The following APEH variants were observed in gnomAD, a reference collection of about 807,000 sequenced individuals.
The protein encoded by APEH is acylaminoacyl-peptide hydrolase.
A neutral mutation model predicts 102.7 loss-of-function variants in APEH; 75 were observed. That is an observed-to-expected ratio of 0.73 (90% CI 0.61 to 0.89). The LOEUF (loss-of-function observed/expected upper bound fraction) is 0.89, where lower values mean the gene tolerates loss of function less well. Ranked by LOEUF, APEH falls within the 40% of genes least tolerant of loss-of-function variation. The pLI, the probability that APEH is intolerant of heterozygous loss-of-function variation, is 0.00. For missense variants in APEH, 863 were observed against 941.2 expected, an observed-to-expected ratio of 0.92 and a Z score of 1.09; for synonymous variants, 344 against 362.7, an observed-to-expected ratio of 0.95 and a Z score of 0.59.
In APEH at chr3:49,683,239, T is replaced by C. The variant is rs2108132637; in HGVS notation, c.2096T>C (p.Leu699Pro). Residue 699 changes from leucine (L) to proline (P), a missense_variant and splice_region_variant, in exon 22 of 22, where the codon CTC becomes CCC. By Grantham distance (98) the Leu-to-Pro change is moderately conservative. Coordinates refer to ENST00000296456, the MANE Select transcript of APEH (RefSeq NM_001640.4). ...ALKTRNVPVR[L>P]LLYPKSTHAL... ...ATGTTGCTGACTAATCCCTACAGGC[T>C]CCTGCTCTATCCCAAAAGCACCCAC... The C allele has an allele frequency of 6.2e-7, 1 of 1,613,516 alleles. No homozygotes were observed. Among genetic ancestry groups the C allele is most frequent in the Non-Finnish European group, 8.5e-7 (1 of 1,179,486 alleles).
intron 19 of APEH, 22 bp from the exon 20 acceptor site, chr3:49,682,821 G>T: frequency 6.2e-7 from 1 of 1,613,838 alleles, no homozygotes; most frequent in Non-Finnish European, 8.5e-7. Flanking sequence ...TCCTGGGGCT[G>T]CAACAGCTCG....
chr3:49,677,553 A>C lies in APEH; in HGVS notation c.1000-20A>C. On this transcript the variant is annotated intron_variant, in intron 10 of 21. Coordinates refer to ENST00000296456, the MANE Select transcript of APEH (RefSeq NM_001640.4). ...AACTGCCTGTCCCCTACTGGACCTG[A>C]CCATTGTGTTCTCTTGCAGTATGAC... 1 of 1,609,990 alleles carries C rather than the reference A, an allele frequency of 6.2e-7. No homozygotes were observed. Among genetic ancestry groups the C allele is most frequent in the Non-Finnish European group, 8.5e-7 (1 of 1,176,338 alleles).
Position 49,676,411 on chromosome 3 carries a change from G to T in APEH, c.640G>T (p.Glu214Ter). ...GTTTGTGTTTTATGAAGACTGGGGAGAAAACATGGTTTCCAAAAGCATCCC... is the reference window on the plus strand; with the variant it reads ...GTTTGTGTTTTATGAAGACTGGGGATAAAACATGGTTTCCAAAAGCATCCC... ...DQFVFYEDWG[E>*]NMVSKSIPVL... The change falls in exon 7 of 22, where the codon GAA becomes TAA. Residue 214 changes from glutamate to a stop codon, truncating the protein, a stop_gained. Transcript: ENST00000296456. LOFTEE classifies it high-confidence loss of function. 6.2e-7 allele frequency: 1 copy of T among 1,614,236 alleles called. No individual in the cohort carries two copies. The highest frequency in any genetic ancestry group is 1.1e-5 in the South Asian group (1 of 91,090).
In APEH at chr3:49,676,985, A is replaced by G. The variant is rs752009887; in HGVS notation, c.960A>G (p.Pro320=). The part of the protein sequence containing the change: ...DQCRIVYLQY[P]SLIPHHQCSQ... ...GTCGCATTGTCTACCTGCAGTACCC[A>G]TCTCTGATCCCCCATCACCAATGCA... The change falls in exon 10 of 22, where the codon CCA becomes CCG. Residue 320 remains proline, a synonymous_variant. Coordinates refer to ENST00000296456, the MANE Select transcript of APEH (RefSeq NM_001640.4). 3.1e-6 allele frequency: 5 copies of G among 1,614,048 alleles called. No individual in the cohort carries two copies. The highest frequency in any genetic ancestry group is 4.2e-6 in the Non-Finnish European group (5 of 1,180,018).
At chr3:49,675,577 TC>T in intron 3 of APEH, 116 bp from the exon 4 acceptor site, 1 of 1,123,794 alleles carries the variant, frequency 8.9e-7, no homozygotes, top group Non-Finnish European at 1.3e-6. Context: ...CTAGAGGTGC[TC>T]CAGAAGCTGG....
chr3:49,675,157 G>T, intron 2 of APEH, 26 bp from the exon 3 acceptor site: 2 of 1,613,334 alleles, frequency 1.2e-6, no homozygotes, highest in South Asian at 2.2e-5. Flanking sequence ...AAGACAAGGT[G>T]AGCAGTCTCA....
chr3:49,682,502 C>T, intron 18 of APEH, 44 bp from the exon 19 acceptor site: 1 of 1,613,058 alleles, frequency 6.2e-7, no homozygotes, highest in Non-Finnish European at 8.5e-7. Context: ...CTCCATTCAG[C>T]TGAGCGGGCA....
Position 49,683,445 on chromosome 3 carries a change from C to G in APEH, c.*103C>G, listed in dbSNP as rs2053449083. On this transcript the variant is annotated 3_prime_UTR_variant, in exon 22 of 22. Coordinates refer to ENST00000296456, the MANE Select transcript of APEH (RefSeq NM_001640.4). ...CAGGAGGCTTTCTGGGCTCTGGACT[C>G]CACGGATGCGTGGGCAGAGGAATGT... 4 of 976,796 alleles carry G rather than the reference C, an allele frequency of 4.1e-6. No homozygotes were observed. The highest frequency in any genetic ancestry group is 6.5e-6 in the Non-Finnish European group (4 of 612,680). The allele number at this position is 976,796 out of a possible 1,614,324, so 60.5% of individuals were successfully genotyped here. A position where few individuals can be genotyped will look rare whatever the true frequency, so the allele number is the denominator to read the frequency against.
chr3:49,675,331 T>A, intron 3 of APEH, 22 bp downstream of exon 3: 1 of 1,612,832 alleles, frequency 6.2e-7, no homozygotes, highest in Non-Finnish European at 8.5e-7. Context: ...GGAGGAAGCT[T>A]GTGGGCAAGG....
rs892286980 is a variant in APEH at position 49,683,400 on chromosome 3, T to C, written c.*58T>C. The C allele has an allele frequency of 1.0e-5, 15 of 1,482,030 alleles. No homozygotes were observed. The African/African-American group carries it at 2.1e-4, about 21-fold the overall frequency. The allele number at this position is 1,482,030 out of a possible 1,614,324, so 91.8% of individuals were successfully genotyped here. On this transcript the variant is annotated 3_prime_UTR_variant, in exon 22 of 22. Coordinates refer to ENST00000296456, the MANE Select transcript of APEH (RefSeq NM_001640.4). ...GTGCCACACTTCGCTCTTGAGGAGC[T>C]CAACGGTCTGGCAGGGCAGCAGGAG...
rs755777618 is a variant in APEH at position 49,682,719 on chromosome 3, C to G, written c.1866C>G (p.Ser622=). Residue 622 remains serine, a synonymous_variant, in exon 19 of 22, where the codon TCC becomes TCG. Coordinates refer to ENST00000296456, the MANE Select transcript of APEH (RefSeq NM_001640.4). ...TCAACATCGCCTCCATGTTGGGCTC[C>G]ACTGACATCCCTGACTGGTAGGCAT... The part of the protein sequence containing the change: ...PVINIASMLG[S]TDIPDWCVVE... The G allele has an allele frequency of 1.2e-6, 2 of 1,613,834 alleles. No homozygotes were observed. Among genetic ancestry groups the G allele is most frequent in the Non-Finnish European group, 1.7e-6 (2 of 1,179,994 alleles).
intron 2 of APEH, 29 bp downstream of exon 2, chr3:49,674,650 G>A: frequency 6.3e-7 from 1 of 1,583,014 alleles, no homozygotes; most frequent in East Asian, 2.3e-5. Flanking sequence ...ACTGGCTGGC[G>A]ACGGGGTCGC....
Position 49,675,262 on chromosome 3 carries a change from A to T in APEH, c.225A>T (p.Ser75=). The T allele has an allele frequency of 6.2e-7, 1 of 1,614,016 alleles. No individual in the cohort carries two copies. The highest frequency in any genetic ancestry group is 8.5e-7 in the Non-Finnish European group (1 of 1,179,976). The change falls in exon 3 of 22, where the codon TCA becomes TCT. Residue 75 remains serine, a synonymous_variant. Coordinates refer to ENST00000296456, the MANE Select transcript of APEH (RefSeq NM_001640.4). ...RQYLVFHDGD[S]VVFAGPAGNS... ...ACCTGGTGTTCCATGACGGGGACTC[A>T]GTGGTGTTTGCAGGACCTGCAGGCA... is the stretch of plus-strand genomic sequence containing the variant.
chr3:49,673,214 G>T (rs1270834194), upstream of APEH, among the ~76,000 whole-genome samples: 1 of 149,584 alleles, frequency 6.7e-6, no homozygotes, highest in Non-Finnish European at 1.5e-5. Flanking sequence ...ACGCCATGGA[G>T]CAGGGAGCCA....
chr3:49,683,132 G>GC lies in APEH; in HGVS notation c.2079_2080insC (p.Asn694GlnfsTer47). 1 of 1,614,120 alleles carries GC rather than the reference G, an allele frequency of 6.2e-7. No individual in the cohort carries two copies. Among genetic ancestry groups the GC allele is most frequent in the Non-Finnish European group, 8.5e-7 (1 of 1,180,030 alleles). On this transcript the variant is annotated frameshift_variant, in exon 21 of 22. Coordinates refer to ENST00000296456, the MANE Select transcript of APEH (RefSeq NM_001640.4). LOFTEE classifies it high-confidence loss of function. Reference sequence around the variant, plus strand: ...AGTATTACCGTGCCCTCAAGACCCGGAATGTGCCTGTTCGGTGAGTGCAGC... The same window carrying GC: ...AGTATTACCGTGCCCTCAAGACCCGGCAATGTGCCTGTTCGGTGAGTGCAGC...
In APEH at chr3:49,675,303, G is replaced by C. The variant is rs746217177; in HGVS notation, c.266G>C (p.Arg89Pro). 52 of 1,613,176 alleles carry C rather than the reference G, an allele frequency of 3.2e-5. No homozygotes were observed. Among genetic ancestry groups the C allele is most frequent in the South Asian group, 3.3e-5 (3 of 90,984 alleles). ...CCTGCAGGCAACAGTGTGGAGACCC[G>C]GGGGGAGTAAGTTTGAGGGAGGAAG... is the stretch of plus-strand genomic sequence containing the variant. ...AGPAGNSVET[R>P]GELLSRESPS... The change falls in exon 3 of 22, where the codon CGG becomes CCG. Residue 89 changes from arginine to proline, a missense_variant. By Grantham distance (103) the Arg-to-Pro change is moderately radical (BLOSUM62 -2). Coordinates refer to ENST00000296456, the MANE Select transcript of APEH (RefSeq NM_001640.4).
Position 49,676,631 on chromosome 3 carries a change from C to G in APEH, c.767C>G (p.Ala256Gly). ...CAGGCATTTTGGGCCCCTGGAGATG[C>G]TGGTGTGGTGTTTGTGGGCTGGTGG... Reference protein sequence around the residue: ...PGQAFWAPGDAGVVFVGWWHE... With the variant: ...PGQAFWAPGDGGVVFVGWWHE... Residue 256 changes from alanine (A) to glycine (G), a missense_variant, in exon 8 of 22, where the codon GCT becomes GGT. Physicochemically the swap from Ala to Gly is moderately conservative, Grantham distance 60. Coordinates refer to ENST00000296456, the MANE Select transcript of APEH (RefSeq NM_001640.4). 1.9e-6 allele frequency: 3 copies of G among 1,614,266 alleles called. No individual in the cohort carries two copies. Among genetic ancestry groups the G allele is most frequent in the South Asian group, 1.1e-5 (1 of 91,090 alleles).
chr3:49,676,914 G>A lies in APEH; in HGVS notation c.889G>A (p.Asp297Asn), dbSNP rs2053086319. 1 of 1,614,234 alleles carries A rather than the reference G, an allele frequency of 6.2e-7. No homozygotes were observed. Among genetic ancestry groups the A allele is most frequent in the African/African-American group, 1.3e-5 (1 of 75,066 alleles). ...LIGGKCELLS[D>N]DSLAVSSPRL... ...TCCATCTGGCCCAGAGCTCCTCTCG[G>A]ATGACTCCCTGGCTGTCTCTTCTCC... The change falls in exon 10 of 22, where the codon GAT (aspartate) becomes AAT (asparagine). Residue 297 changes from aspartate (D) to asparagine (N), a missense_variant. By Grantham distance (23) the Asp-to-Asn change is conservative. Coordinates refer to ENST00000296456, the MANE Select transcript of APEH (RefSeq NM_001640.4).
rs1417389244 is a variant in APEH at position 49,675,798 on chromosome 3, A to T, written c.366+11A>T. On this transcript the variant is annotated intron_variant, in intron 4 of 21. Transcript: ENST00000296456. ...AAGCAGTTCCTGGAGGTGAGTCTGC[A>T]TGGGACCAGGTAGTGGGTGACAAGA... 1 of 1,613,692 alleles carries T rather than the reference A, an allele frequency of 6.2e-7. No homozygotes were observed. The highest frequency in any genetic ancestry group is 1.7e-5 in the Admixed American group (1 of 60,032).
Sources: allele counts gnomAD v4.1 joint callset (sites outside exome capture counted in the v4.1 genomes callset), GRCh38; gene constraint gnomAD v4.1.1; transcripts MANE v1.5; gene names NCBI Gene and HGNC (gene_info 2026-07-23, HGNC 2026-07-21).